The following BAHD1 variants were observed in gnomAD, a reference collection of about 807,000 sequenced individuals.
BAHD1 encodes bromo adjacent homology domain containing 1, also known as bromo adjacent homology domain-containing 1 protein.
Under a neutral mutation model 63.1 loss-of-function variants are expected in BAHD1, and 20 were observed. The ratio of observed to expected loss-of-function variants is 0.32; its 90% CI spans 0.22 to 0.46. The LOEUF (loss-of-function observed/expected upper bound fraction) is 0.46. Among genes scored for constraint, BAHD1 ranks in the 20% least tolerant of loss-of-function variants. The probability of loss-of-function intolerance (pLI) is 1.00; values close to 1 mark genes in which losing one functional copy is unlikely to be tolerated. For missense variants in BAHD1, 939 were observed against 1,071.8 expected, an observed-to-expected ratio of 0.88 and a Z score of 1.73; for synonymous variants, 408 against 426.8, an observed-to-expected ratio of 0.96 and a Z score of 0.54.
chr15:40,459,452 C>G lies in BAHD1; in HGVS notation c.988C>G (p.Arg330Gly). The change falls in exon 2 of 7, where the codon CGC becomes GGC. Residue 330 changes from arginine (R) to glycine (G), a missense_variant. This residue lies in a region of BAHD1 where 797 missense variants were observed against 813.3 expected (regional missense o/e 0.98). Coordinates refer to ENST00000416165, the MANE Select transcript of BAHD1 (RefSeq NM_014952.5). ...GQAALKPEPG[R>G]PGEESPAPKQ... ...GGCGGCTCTGAAGCCGGAGCCTGGGCGCCCAGGCGAGGAGTCACCTGCCCC... is the reference window on the plus strand; with the variant it reads ...GGCGGCTCTGAAGCCGGAGCCTGGGGGCCCAGGCGAGGAGTCACCTGCCCC... 1 of 1,613,562 alleles carries G rather than the reference C, an allele frequency of 6.2e-7. No homozygotes were observed. The highest frequency in any genetic ancestry group is 8.5e-7 in the Non-Finnish European group (1 of 1,179,986).
intron 1 of BAHD1, among the ~76,000 whole-genome samples, chr15:40,455,694 C>A (rs1000437327): frequency 6.6e-6 from 1 of 152,234 alleles, no homozygotes; most frequent in Non-Finnish European, 1.5e-5. Flanking sequence ...GACGACAAGC[C>A]CAGGTGATCT....
At chr15:40,445,268 A>AAC (rs1381103310) in intron 1 of BAHD1, among the ~76,000 whole-genome samples, 3 of 151,446 alleles carry the variant, frequency 2.0e-5, no homozygotes, top group South Asian at 2.1e-4. Flanking sequence ...AAAAAAAAAA[A>AAC]AAAAAAAACA....
intron 4 of BAHD1, 185 bp downstream of exon 4, chr15:40,464,205 G>A: frequency 1.3e-6 from 1 of 761,890 alleles, no homozygotes; most frequent in Non-Finnish European, 2.1e-6. Flanking sequence ...TGTGGCTTGG[G>A]TTGGATCAGC....
At chr15:40,444,568 A>G (rs547132972) in intron 1 of BAHD1, among the ~76,000 whole-genome samples, 54 of 152,314 alleles carry the variant, frequency 3.5e-4, no homozygotes, top group Non-Finnish European at 6.8e-4. Context: ...GAGAAAACAC[A>G]ATTCTGAGCA....
chr15:40,459,286 C>G lies in BAHD1; in HGVS notation c.822C>G (p.Gly274=). 1 of 1,612,956 alleles carries G rather than the reference C, an allele frequency of 6.2e-7. No individual in the cohort carries two copies. The highest frequency in any genetic ancestry group is 1.1e-5 in the South Asian group (1 of 91,078). Residue 274 remains glycine, a synonymous_variant, in exon 2 of 7, where the codon GGC becomes GGG. Transcript: ENST00000416165. ...CTGGGGAGGCTGCAGGCCCACCTGG[C>G]TGGCAAGGCTGCCCTGATGAACCAT... ...ASSGEAAGPP[G]WQGCPDEPWP...
chr15:40,440,114 A>T (rs1308097863), upstream of BAHD1: 1 of 152,316 alleles, frequency 6.6e-6, no homozygotes, highest in Non-Finnish European at 1.5e-5. Context: ...GGTGTCAAGG[A>T]CTCACAGACC....
intron 1 of BAHD1, among the ~76,000 whole-genome samples, chr15:40,451,139 C>T (rs1349323834): frequency 8.1e-6 from 1 of 123,250 alleles, no homozygotes; most frequent in East Asian, 2.9e-4. Context: ...AGCATAAACT[C>T]CATCTCAAAA....
In BAHD1 at chr15:40,441,161, G is replaced by C. The variant is rs906350958; in HGVS notation, c.-122G>C. 2.0e-5 allele frequency: 3 copies of C among 150,654 alleles called. No homozygotes were observed. Among genetic ancestry groups the C allele is most frequent in the South Asian group, 2.0e-4 (1 of 4,916 alleles). 9.3% of individuals were successfully genotyped at this position (150,654 alleles called of 1,614,324 possible). On this transcript the variant is annotated 5_prime_UTR_variant, in exon 1 of 7. Transcript: ENST00000416165. Reference sequence around the variant, plus strand: ...CCCAGGAGGAGGCGCTGACGCAGCAGCGTGGAGCCCGGGAATTGAGCGCCC... The same window carrying C: ...CCCAGGAGGAGGCGCTGACGCAGCACCGTGGAGCCCGGGAATTGAGCGCCC...
chr15:40,454,506 G>C (rs1314721709), intron 1 of BAHD1: 1 of 152,176 alleles, frequency 6.6e-6, no homozygotes, highest in Non-Finnish European at 1.5e-5. Context: ...CTGAGGATTT[G>C]GGATTCAACC....
chr15:40,457,485 C>T lies in BAHD1; in HGVS notation c.-14-966C>T, dbSNP rs553693660. Among the ~76,000 whole-genome samples the T allele has an allele frequency of 9.2e-5, 14 of 152,314 alleles. No homozygotes were observed. In the East Asian group the frequency reaches 2.5e-3, roughly 27 times the overall value. On this transcript the variant is annotated intron_variant, in intron 1 of 6. Transcript: ENST00000416165. ...CTCTCCACCATGGGCCCCTCAAAGCCAGGCCTTCACCCTTGATAGAGCTTT... is the reference window on the plus strand; with the variant it reads ...CTCTCCACCATGGGCCCCTCAAAGCTAGGCCTTCACCCTTGATAGAGCTTT...
At chr15:40,445,007 G>C (rs1893497357) in intron 1 of BAHD1, among the ~76,000 whole-genome samples, 1 of 151,902 alleles carries the variant, frequency 6.6e-6, no homozygotes, top group Admixed American at 6.6e-5. Context: ...TACTGTAGCA[G>C]GAGAAAAGCT....
intron 4 of BAHD1, 84 bp downstream of exon 4, chr15:40,464,104 T>C: frequency 6.8e-7 from 1 of 1,464,578 alleles, no homozygotes; most frequent in South Asian, 1.3e-5. Context: ...GCCTGGAGTT[T>C]GACCTGGCGT....
At chr15:40,461,639 CAA>C (rs954578674) in intron 2 of BAHD1, among the ~76,000 whole-genome samples, 29 of 138,404 alleles carry the variant, frequency 2.1e-4, no homozygotes, top group Non-Finnish European at 3.8e-4. Flanking sequence ...GACTCTGTCT[CAA>C]AAAAAAAAAA....
chr15:40,442,703 C>T (rs1357924742), intron 1 of BAHD1, among the ~76,000 whole-genome samples: 1 of 152,166 alleles, frequency 6.6e-6, no homozygotes, highest in East Asian at 1.9e-4. Flanking sequence ...TTTTCCTTAG[C>T]CACAAAGGTA....
chr15:40,458,913 A>C lies in BAHD1; in HGVS notation c.449A>C (p.Asp150Ala). 6.3e-7 allele frequency: 1 copy of C among 1,597,986 alleles called. No individual in the cohort carries two copies. The highest frequency in any genetic ancestry group is 8.5e-7 in the Non-Finnish European group (1 of 1,171,136). Residue 150 changes from aspartate to alanine, a missense_variant, in exon 2 of 7, where the codon GAT (aspartate) becomes GCT (alanine). Transcript: ENST00000416165. This position sits in a 1 kb window ranked among gnomAD's most constrained non-coding sequence, Gnocchi z 4.7. ...LAGTRRSRAGDPHRSRDRDRA... is the reference protein window; with the variant it reads ...LAGTRRSRAGAPHRSRDRDRA... Reference sequence around the variant, plus strand: ...GGCACCCGCCGCAGTCGAGCAGGGGATCCCCACCGCAGCCGTGACCGTGAT... The same window carrying C: ...GGCACCCGCCGCAGTCGAGCAGGGGCTCCCCACCGCAGCCGTGACCGTGAT...
intron 1 of BAHD1, among the ~76,000 whole-genome samples, chr15:40,447,513 G>A (rs1187837556): frequency 5.3e-5 from 8 of 151,588 alleles, no homozygotes; most frequent in African/African-American, 9.7e-5. Flanking sequence ...GTTGCAGATC[G>A]CGCCAGTGCA....
chr15:40,456,026 G>T (rs1893839639), intron 1 of BAHD1, among the ~76,000 whole-genome samples: 1 of 152,242 alleles, frequency 6.6e-6, no homozygotes, highest in Non-Finnish European at 1.5e-5. Context: ...AGGCTGGAGT[G>T]CAGTGGCACG....
rs1199326350 is a variant in BAHD1 at position 40,458,584 on chromosome 15, C to G, written c.120C>G (p.Gly40=). ...MEQGVEGVEP[G]MPESPGHLTG... ...AGGGGGTTGAGGGTGTGGAGCCAGG[C>G]ATGCCCGAGAGCCCAGGTCACCTCA... The change falls in exon 2 of 7, where the codon GGC becomes GGG. Residue 40 remains glycine (G), a synonymous_variant. Coordinates refer to ENST00000416165, the MANE Select transcript of BAHD1 (RefSeq NM_014952.5). The surrounding 1 kb of genome is among the most constrained non-coding windows in gnomAD (Gnocchi z 4.7). The G allele has an allele frequency of 1.2e-6, 2 of 1,614,048 alleles. No individual in the cohort carries two copies. Among genetic ancestry groups the G allele is most frequent in the South Asian group, 2.2e-5 (2 of 91,080 alleles).
At chr15:40,437,470 A>T (rs899434150), upstream of BAHD1, among the ~76,000 whole-genome samples, 2 of 152,204 alleles carry the variant, frequency 1.3e-5, no homozygotes, top group South Asian at 2.1e-4. Flanking sequence ...GGGGCTTCCT[A>T]TGATGGGGGA....
Sources: allele counts gnomAD v4.1 joint callset (sites outside exome capture counted in the v4.1 genomes callset), GRCh38; gene constraint gnomAD v4.1.1; regional missense constraint gnomAD v4.1.1; non-coding constraint Gnocchi (gnomAD v3.1); transcripts MANE v1.5; gene names NCBI Gene and HGNC (gene_info 2026-07-23, HGNC 2026-07-21).